The following PCDHA12 variants were observed in gnomAD, a reference collection of about 807,000 sequenced individuals.
PCDHA12 encodes the protein protocadherin alpha-12.
Under a neutral mutation model 60.0 loss-of-function variants are expected in PCDHA12, and 44 were observed. That is an observed-to-expected ratio of 0.73 (90% CI 0.58 to 0.94). The LOEUF is 0.94. Among genes scored for constraint, PCDHA12 ranks in the 40% least tolerant of loss-of-function variants. PCDHA12 has a pLI of 0.00. For missense variants in PCDHA12, 1,276 were observed against 1,239.7 expected (o/e 1.03, Z -0.44); for synonymous variants, 569 against 553.0 (o/e 1.03, Z -0.40).
intron 3 of PCDHA12, 47 bp from the exon 4 acceptor site, chr5:141,009,580 G>T: frequency 1.3e-6 from 2 of 1,588,168 alleles, no homozygotes; most frequent in South Asian, 2.3e-5. Context: ...GTGGCATCAA[G>T]AGCATGTGTT....
At chr5:140,934,258 A>G (rs2089731137) in intron 1 of PCDHA12, among the ~76,000 whole-genome samples, 1 of 152,140 alleles carries the variant, frequency 6.6e-6, no homozygotes, top group Non-Finnish European at 1.5e-5. Flanking sequence ...ATCAAAATTA[A>G]TAATAATCAG....
chr5:140,950,865 T>C (rs1419138561), intron 1 of PCDHA12, among the ~76,000 whole-genome samples: 1 of 152,098 alleles, frequency 6.6e-6, no homozygotes, highest in Non-Finnish European at 1.5e-5. Context: ...TTCTTGTATA[T>C]TCTATATTGT....
chr5:141,010,499 T>C lies in PCDHA12; in HGVS notation c.*562T>C. ...GTGTAAACTTAAAGGGACCAGACTTTCTAAATCTTACAACTCAAGAGGTGG... is the reference window on the plus strand; with the variant it reads ...GTGTAAACTTAAAGGGACCAGACTTCCTAAATCTTACAACTCAAGAGGTGG... On this transcript the variant is annotated 3_prime_UTR_variant, in exon 4 of 4. Coordinates refer to ENST00000398631, the MANE Select transcript of PCDHA12 (RefSeq NM_018903.4). 1.7e-6 allele frequency: 1 copy of C among 586,170 alleles called. No individual in the cohort carries two copies. Among genetic ancestry groups the C allele is most frequent in the Non-Finnish European group, 2.7e-6 (1 of 372,458 alleles). 36.3% of individuals were successfully genotyped at this position (586,170 alleles called of 1,614,324 possible).
chr5:140,998,910 A>T (rs1346967203), intron 3 of PCDHA12, among the ~76,000 whole-genome samples: 1 of 152,230 alleles, frequency 6.6e-6, no homozygotes, highest in South Asian at 2.1e-4. Context: ...TCCGGGAGGT[A>T]GCTATTATAT....
In PCDHA12 at chr5:141,010,024, T is replaced by A; in HGVS notation, c.*87T>A. 7.6e-6 allele frequency: 12 copies of A among 1,572,358 alleles called. No individual in the cohort carries two copies. Among genetic ancestry groups the A allele is most frequent in the Non-Finnish European group, 1.0e-5 (12 of 1,163,296 alleles). On this transcript the variant is annotated 3_prime_UTR_variant, in exon 4 of 4. Coordinates refer to ENST00000398631, the MANE Select transcript of PCDHA12 (RefSeq NM_018903.4). ...GTAGCAATTCCCTGCTCCTTTTTCC[T>A]ATCTACATGAGCCCTCTTAGAGACC...
chr5:140,927,933 C>G (rs1273187123), intron 1 of PCDHA12: 2 of 1,614,208 alleles, frequency 1.2e-6, no homozygotes, highest in East Asian at 4.5e-5. Context: ...CTCTTTCGAA[C>G]CCAGTACCTG....
rs144119560 is a variant in PCDHA12 at position 140,883,581 on chromosome 5, C to G, written c.2367+5742C>G. ...GGGGGCTCGCCTTCGCTGTGGGCCACGGCCAGCGTGTCGGTGGGGGTGGCC... is the reference window on the plus strand; with the variant it reads ...GGGGGCTCGCCTTCGCTGTGGGCCAGGGCCAGCGTGTCGGTGGGGGTGGCC... On this transcript the variant is annotated intron_variant, in intron 1 of 3. Coordinates refer to ENST00000398631, the MANE Select transcript of PCDHA12 (RefSeq NM_018903.4). 2.6e-4 allele frequency: 420 copies of G among 1,614,018 alleles called. 1 individual carries two copies. In the African/African-American group the frequency reaches 5.3e-3, roughly 20 times the overall value.
intron 1 of PCDHA12, among the ~76,000 whole-genome samples, chr5:140,958,973 ATTAG>A (rs2095457294): frequency 1.3e-5 from 2 of 152,038 alleles, no homozygotes; most frequent in African/African-American, 2.4e-5. Flanking sequence ...CTATTTTATT[ATTAG>A]TTATTGTTGC....
At chr5:140,993,817 T>C (rs1467199618) in intron 3 of PCDHA12, among the ~76,000 whole-genome samples, 2 of 152,240 alleles carry the variant, frequency 1.3e-5, no homozygotes, top group Non-Finnish European at 2.9e-5. Context: ...CTAGGAGCAA[T>C]AGGCTATACC....
chr5:140,940,770 T>A (rs560965178), intron 1 of PCDHA12, among the ~76,000 whole-genome samples: 5 of 152,270 alleles, frequency 3.3e-5, no homozygotes, highest in Non-Finnish European at 7.3e-5. Context: ...ATTTGACTTT[T>A]GATGGTCCAT....
intron 1 of PCDHA12, among the ~76,000 whole-genome samples, chr5:140,886,770 G>A (rs1554182701): frequency 6.8e-6 from 1 of 146,884 alleles, no homozygotes; most frequent in Non-Finnish European, 1.5e-5. Context: ...AGGTTGCAGT[G>A]AGATGAGATC....
chr5:140,970,687 CT>C (rs1464659851), intron 1 of PCDHA12, among the ~76,000 whole-genome samples: 1 of 152,078 alleles, frequency 6.6e-6, no homozygotes, highest in Non-Finnish European at 1.5e-5. Flanking sequence ...GTAGAAAGGG[CT>C]TTTAGAGCTA....
chr5:140,912,064 A>G (rs1388725837), intron 1 of PCDHA12, among the ~76,000 whole-genome samples: 10 of 152,216 alleles, frequency 6.6e-5, no homozygotes, highest in Non-Finnish European at 1.0e-4. Flanking sequence ...TTGGAGTCCA[A>G]TGTTCAAGGG....
intron 1 of PCDHA12, among the ~76,000 whole-genome samples, chr5:140,887,272 AT>A (rs2061386056): frequency 6.6e-6 from 1 of 151,690 alleles, no homozygotes; most frequent in South Asian, 2.1e-4. Context: ...AATTTTTTGT[AT>A]TTTTAGTAGA....
chr5:140,978,820 TG>T, intron 1 of PCDHA12, 128 bp from the exon 2 acceptor site: 2 of 1,517,498 alleles, frequency 1.3e-6, no homozygotes, highest in Non-Finnish European at 1.8e-6. Flanking sequence ...GAGTTACACA[TG>T]AAATGGCTCA....
chr5:140,978,721 A>C (rs2096819896), intron 1 of PCDHA12, among the ~76,000 whole-genome samples: 1 of 152,236 alleles, frequency 6.6e-6, no homozygotes, highest in African/African-American at 2.4e-5. Flanking sequence ...CAAGATTATT[A>C]AATCTGGTCT....
At chr5:140,882,698 G>T in intron 1 of PCDHA12, 1 of 1,614,200 alleles carries the variant, frequency 6.2e-7, no homozygotes, top group Non-Finnish European at 8.5e-7. Context: ...AATCATTGCA[G>T]AATCTAGACC....
intron 3 of PCDHA12, among the ~76,000 whole-genome samples, chr5:141,006,150 G>A (rs1035867146): frequency 1.1e-4 from 16 of 151,274 alleles, no homozygotes; most frequent in Admixed American, 6.6e-5. Flanking sequence ...AAGCAGAGGA[G>A]TGATATAATC....
intron 1 of PCDHA12, among the ~76,000 whole-genome samples, chr5:140,937,756 C>CA (rs2091723973): frequency 1.3e-5 from 2 of 151,360 alleles, no homozygotes; most frequent in African/African-American, 4.9e-5. Flanking sequence ...ACTAAAAATA[C>CA]AAAAAATTAG....
Sources: gnomAD v4.1 joint callset for allele counts (sites outside exome capture counted in the v4.1 genomes callset) on GRCh38, gnomAD v4.1.1 for gene constraint, MANE v1.5 for transcripts, NCBI Gene and HGNC (gene_info 2026-07-23, HGNC 2026-07-21) for gene names.